Variants in NR3C2 observed in about 807,000 individuals in gnomAD.
The protein encoded by NR3C2 is nuclear receptor subfamily 3 group C member 2, also known as mineralocorticoid receptor.
NR3C2 carries 15 observed loss-of-function variants against 86.4 expected under a neutral mutation model. The observed-to-expected ratio is 0.17, with a 90% CI of 0.12 to 0.27. The LOEUF (loss-of-function observed/expected upper bound fraction) is 0.27, where lower values mean the gene tolerates loss of function less well. Ranked by LOEUF, NR3C2 falls within the 10% of genes least tolerant of loss-of-function variation. The pLI, the probability that NR3C2 is intolerant of heterozygous loss-of-function variation, is 1.00. For synonymous variants in NR3C2, 458 were observed against 450.5 expected (o/e 1.02, Z -0.21); for missense variants, 960 against 1,195.6 (o/e 0.80, Z 2.91).
Position 148,081,512 on chromosome 4 carries a change from C to CACAGGGGGCATG in NR3C2, c.2800-25_2800-14dup, listed in dbSNP as rs566000968. The CACAGGGGGCATG allele has an allele frequency of 1.0e-3, 1,687 of 1,613,940 alleles. 1 individual carries two copies. The highest frequency in any genetic ancestry group is 1.4e-3 in the Non-Finnish European group (1,598 of 1,179,850). On this transcript the variant is annotated splice_polypyrimidine_tract_variant and intron_variant, in intron 8 of 8. Transcript: ENST00000358102. ...GGTCGCTCACCAGCTGTAACACAGA[C>CACAGGGGGCATG]ACAGGGGGCATGACACGGGGGCCTC...
intron 2 of NR3C2, among the ~76,000 whole-genome samples, chr4:148,305,897 T>C (rs1306257874): frequency 1.3e-5 from 2 of 152,200 alleles, no homozygotes; most frequent in African/African-American, 4.8e-5. Context: ...TTACTGTACG[T>C]GTCAAATAAG....
chr4:148,100,088 G>A (rs1731467261), intron 8 of NR3C2, among the ~76,000 whole-genome samples: 1 of 152,160 alleles, frequency 6.6e-6, no homozygotes, highest in Non-Finnish European at 1.5e-5. Context: ...TGTAACCTGT[G>A]AAATATCAAT....
chr4:148,443,370 A>T (rs947327338), upstream of NR3C2, among the ~76,000 whole-genome samples: 5 of 150,958 alleles, frequency 3.3e-5, no homozygotes, highest in African/African-American at 1.2e-4. Flanking sequence ...CACTAGTTCA[A>T]TTTGAAAGCA....
intron 2 of NR3C2, among the ~76,000 whole-genome samples, chr4:148,324,962 G>C (rs538024115): frequency 1.7e-4 from 26 of 152,182 alleles, no homozygotes; most frequent in African/African-American, 4.8e-4. Flanking sequence ...AAATTACATG[G>C]GCATGAGAGA....
At chr4:148,332,082 A>T (rs969746260) in intron 2 of NR3C2, among the ~76,000 whole-genome samples, 8 of 152,226 alleles carry the variant, frequency 5.3e-5, no homozygotes, top group African/African-American at 9.6e-5. Context: ...AAATAGTATT[A>T]ATACAAAATA....
chr4:148,276,681 C>G (rs1216620265), intron 2 of NR3C2, among the ~76,000 whole-genome samples: 3 of 152,060 alleles, frequency 2.0e-5, no homozygotes, highest in Non-Finnish European at 2.9e-5. Flanking sequence ...CTCCTTTTCC[C>G]ACAATCAGTA....
At chr4:148,380,049 A>G (rs1033503728) in intron 2 of NR3C2, among the ~76,000 whole-genome samples, 3 of 152,266 alleles carry the variant, frequency 2.0e-5, no homozygotes, top group Admixed American at 6.5e-5. Context: ...CTGTAGTATT[A>G]TAAATGCACA....
chr4:148,223,289 A>G (rs1308093384), intron 3 of NR3C2, among the ~76,000 whole-genome samples: 3 of 152,180 alleles, frequency 2.0e-5, no homozygotes, highest in Non-Finnish European at 4.4e-5. Flanking sequence ...GCTTACAGCC[A>G]AGACTCAGCT....
chr4:148,184,506 C>A (rs1460487858), intron 4 of NR3C2, among the ~76,000 whole-genome samples: 1 of 151,452 alleles, frequency 6.6e-6, no homozygotes, highest in African/African-American at 2.4e-5. Context: ...TTATAGTAAC[C>A]AATAGTAACC....
At chr4:148,390,951 T>C (rs1579241823) in intron 2 of NR3C2, among the ~76,000 whole-genome samples, 2 of 152,226 alleles carry the variant, frequency 1.3e-5, no homozygotes, top group African/African-American at 2.4e-5. Flanking sequence ...CAGAAACCAA[T>C]TGTTGCTAAA....
chr4:148,296,095 G>A (rs1742040655), intron 2 of NR3C2, among the ~76,000 whole-genome samples: 1 of 150,372 alleles, frequency 6.7e-6, no homozygotes, highest in Non-Finnish European at 1.5e-5. Context: ...ACAGGGCTAG[G>A]CAGACCAAGA....
chr4:148,402,120 G>C (rs1288834051), intron 2 of NR3C2, among the ~76,000 whole-genome samples: 30 of 152,136 alleles, frequency 2.0e-4, no homozygotes, highest in Admixed American at 1.9e-3. Context: ...GCCATGTACA[G>C]GTTTTTAATC....
chr4:148,188,381 T>C (rs1197072522), intron 4 of NR3C2, among the ~76,000 whole-genome samples: 1 of 152,240 alleles, frequency 6.6e-6, no homozygotes, highest in Admixed American at 6.5e-5. Flanking sequence ...TTGTGTTGTC[T>C]ATGATTTCTT....
chr4:148,339,252 A>C (rs1744636592), intron 2 of NR3C2, among the ~76,000 whole-genome samples: 1 of 152,164 alleles, frequency 6.6e-6, no homozygotes, highest in South Asian at 2.1e-4. Flanking sequence ...AAGAGGATGA[A>C]AGGACCACTG....
chr4:148,397,772 C>A (rs1020694901), intron 2 of NR3C2, among the ~76,000 whole-genome samples: 1 of 152,184 alleles, frequency 6.6e-6, no homozygotes, highest in Non-Finnish European at 1.5e-5. Context: ...TGGAAGCTGT[C>A]GCCTAAACTT....
At chr4:148,422,516 G>A (rs571953614) in intron 2 of NR3C2, among the ~76,000 whole-genome samples, 8 of 152,058 alleles carry the variant, frequency 5.3e-5, no homozygotes, top group Non-Finnish European at 7.4e-5. Flanking sequence ...CAAACGTATC[G>A]AAAAAATATT....
chr4:148,145,728 T>C (rs1234785287), intron 6 of NR3C2, among the ~76,000 whole-genome samples: 1 of 152,156 alleles, frequency 6.6e-6, no homozygotes, highest in African/African-American at 2.4e-5. Context: ...GTCCTCTAGC[T>C]ACTGGTGCGA....
chr4:148,185,931 A>C (rs1288211142), intron 4 of NR3C2, among the ~76,000 whole-genome samples: 1 of 152,212 alleles, frequency 6.6e-6, no homozygotes, highest in Non-Finnish European at 1.5e-5. Flanking sequence ...TGAGTATTTA[A>C]TGTAGAGATC....
chr4:148,375,711 T>C (rs1746643149), intron 2 of NR3C2, among the ~76,000 whole-genome samples: 1 of 151,632 alleles, frequency 6.6e-6, no homozygotes. Context: ...TTTCTTGAAT[T>C]AAAAAAAACA....
Sources: gnomAD v4.1 joint callset for allele counts (sites outside exome capture counted in the v4.1 genomes callset) on GRCh38, gnomAD v4.1.1 for gene constraint, MANE v1.5 for transcripts, NCBI Gene and HGNC (gene_info 2026-07-23, HGNC 2026-07-21) for gene names.